SPATA13: variants seen among roughly 807,000 people sequenced by gnomAD.
The protein encoded by SPATA13 is spermatogenesis-associated protein 13.
SPATA13 carries 50 observed loss-of-function variants against 104.0 expected under a neutral mutation model. That is an observed-to-expected ratio of 0.48 (90% CI 0.38 to 0.61). The LOEUF (loss-of-function observed/expected upper bound fraction) is 0.61, where lower values mean the gene tolerates loss of function less well. Among genes scored for constraint, SPATA13 ranks in the 20% least tolerant of loss-of-function variants. SPATA13 has a pLI of 0.00. For synonymous variants in SPATA13, 606 were observed against 667.5 expected, an observed-to-expected ratio of 0.91 and a Z score of 1.42; for missense variants, 1,524 against 1,690.6, an observed-to-expected ratio of 0.90 and a Z score of 1.73.
At chr13:24,301,729 C>G (rs1184556623) in intron 12 of SPATA13, among the ~76,000 whole-genome samples, 1 of 152,212 alleles carries the variant, frequency 6.6e-6, no homozygotes, top group Non-Finnish European at 1.5e-5. Flanking sequence ...GGCCCACCCT[C>G]TTCGTGCCAT....
chr13:24,154,436 G>T (rs1882197867), intron 3 of SPATA13, among the ~76,000 whole-genome samples: 1 of 152,050 alleles, frequency 6.6e-6, no homozygotes, highest in Non-Finnish European at 1.5e-5. Flanking sequence ...TATACATCCT[G>T]CATGACTCCA....
At position 24,176,559 on chromosome 13, in the gene SPATA13, C is replaced by A. The variant is rs182957426; in HGVS notation, c.-112+15627C>A. ...AAACTAGATCCTTTGATTAATGGGACCAGGCAAGTCCAAGGACAGATTAAG... is the reference window on the plus strand; with the variant it reads ...AAACTAGATCCTTTGATTAATGGGAACAGGCAAGTCCAAGGACAGATTAAG... On this transcript the variant is annotated intron_variant, in intron 1 of 12. Transcript: ENST00000382108. Among the ~76,000 whole-genome samples, 13 of 152,088 alleles carry A rather than the reference C, an allele frequency of 8.5e-5. No homozygotes were observed. In the East Asian group the frequency reaches 1.9e-3, roughly 23 times the overall value.
At chr13:24,241,318 G>A (rs1228088556) in intron 2 of SPATA13, among the ~76,000 whole-genome samples, 1 of 152,242 alleles carries the variant, frequency 6.6e-6, no homozygotes, top group African/African-American at 2.4e-5. Flanking sequence ...CCTGAGAAAA[G>A]AAGGGACAAC....
intron 3 of SPATA13, among the ~76,000 whole-genome samples, chr13:24,092,527 A>G (rs988430669): frequency 6.6e-6 from 1 of 152,224 alleles, no homozygotes; most frequent in East Asian, 1.9e-4. Context: ...ATGGAAACCA[A>G]TTAAGAGTAA....
At chr13:24,065,015 A>G (rs988193944) in intron 3 of SPATA13, among the ~76,000 whole-genome samples, 1 of 150,566 alleles carries the variant, frequency 6.6e-6, no homozygotes, top group South Asian at 2.1e-4. Context: ...ATGAAATGCA[A>G]CGTGACATCC....
intron 4 of SPATA13, among the ~76,000 whole-genome samples, chr13:24,283,699 G>A (rs955119197): frequency 1.3e-5 from 2 of 152,240 alleles, no homozygotes; most frequent in African/African-American, 2.4e-5. Flanking sequence ...CTGTTGGGAT[G>A]TACTGGTTTT....
Position 24,249,766 on chromosome 13 carries a change from GCC to G in SPATA13, c.1946_1947del (p.Pro649HisfsTer80). On this transcript the variant is annotated frameshift_variant, in exon 3 of 13. Transcript: ENST00000382108. LOFTEE classifies it high-confidence loss of function. ...TGCCCCAAAGGAGCCCGGAGAAGGC[GCC>G]CCATTTCCGTGATAGGTGGGGTCAG... 6.2e-7 allele frequency: 1 copy of G among 1,614,058 alleles called. No individual in the cohort carries two copies. The highest frequency in any genetic ancestry group is 1.1e-5 in the South Asian group (1 of 91,086).
At chr13:24,110,284 G>A (rs188607842) in intron 3 of SPATA13, among the ~76,000 whole-genome samples, 1 of 151,982 alleles carries the variant, frequency 6.6e-6, no homozygotes, top group East Asian at 1.9e-4. Flanking sequence ...CAAGGAGTGA[G>A]GAAGGGAGGG....
intron 1 of SPATA13, among the ~76,000 whole-genome samples, chr13:24,219,649 A>G (rs539208381): frequency 3.3e-5 from 5 of 152,346 alleles, no homozygotes; most frequent in Non-Finnish European, 7.3e-5. Flanking sequence ...CCATTTTGGT[A>G]AAAACAATTT....
intron 2 of SPATA13, among the ~76,000 whole-genome samples, chr13:24,227,998 G>A (rs1232215694): frequency 1.3e-5 from 2 of 151,946 alleles, no homozygotes; most frequent in Non-Finnish European, 2.9e-5. Context: ...TCTATCTCCC[G>A]GGTTCAAGCG....
At position 24,297,403 on chromosome 13, in the gene SPATA13, C is replaced by T; in HGVS notation, c.3251C>T (p.Ser1084Phe). Residue 1084 changes from serine to phenylalanine, a missense_variant, in exon 11 of 13, where the codon TCT (serine) becomes TTT (phenylalanine). Physicochemically the swap from Ser to Phe is radical, Grantham distance 155. Transcript: ENST00000382108. ...GACCGAAGCTCAGAATTGATTCATT[C>T]TGGGGAGCTGACCAAAATCACTAAG... ...ILDRSSELIH[S>F]GELTKITKQG... 6.2e-7 allele frequency: 1 copy of T among 1,613,786 alleles called. No individual in the cohort carries two copies. The highest frequency in any genetic ancestry group is 8.5e-7 in the Non-Finnish European group (1 of 1,179,892).
intron 3 of SPATA13, among the ~76,000 whole-genome samples, chr13:24,094,304 G>A (rs1326368592): frequency 6.6e-6 from 1 of 152,198 alleles, no homozygotes; most frequent in Non-Finnish European, 1.5e-5. Context: ...GAAAAACCAG[G>A]TTTTGACTGC....
At chr13:24,061,041 AC>A (rs1172706864) in intron 3 of SPATA13, among the ~76,000 whole-genome samples, 4 of 152,054 alleles carry the variant, frequency 2.6e-5, no homozygotes, top group Admixed American at 1.3e-4. Flanking sequence ...TCTGCCCCGC[AC>A]CCCCCAAAAA....
At chr13:24,154,021 A>G (rs1237074165) in intron 3 of SPATA13, among the ~76,000 whole-genome samples, 2 of 152,182 alleles carry the variant, frequency 1.3e-5, no homozygotes, top group Admixed American at 1.3e-4. Flanking sequence ...TATTTTTATG[A>G]TTAGAAAACT....
At chr13:24,297,812 G>A in intron 11 of SPATA13, 77 bp downstream of exon 11, 4 of 1,495,638 alleles carry the variant, frequency 2.7e-6, no homozygotes, top group Non-Finnish European at 2.7e-6. Context: ...CCATGGGCCT[G>A]CTCTGCCCAG....
intron 1 of SPATA13, among the ~76,000 whole-genome samples, chr13:24,207,602 T>C (rs908831567): frequency 2.0e-5 from 3 of 152,258 alleles, no homozygotes; most frequent in Non-Finnish European, 2.9e-5. Flanking sequence ...TTTTCTGTTT[T>C]TTTAAGGTAA....
intron 3 of SPATA13, among the ~76,000 whole-genome samples, chr13:24,020,766 G>A (rs550114767): frequency 3.3e-5 from 5 of 152,224 alleles, no homozygotes; most frequent in East Asian, 1.9e-4. Flanking sequence ...AATTTGGGCC[G>A]GGCGAGATGA....
At chr13:24,146,642 AT>A (rs34098656) in intron 3 of SPATA13, among the ~76,000 whole-genome samples, 109,015 of 151,984 alleles carry the variant, frequency 0.72, 39,710 homozygotes, top group Non-Finnish European at 0.77. Flanking sequence ...ATGCACAGCA[AT>A]TTAAAAAAAA....
intron 3 of SPATA13, among the ~76,000 whole-genome samples, chr13:24,147,662 A>G (rs940268381): frequency 6.6e-6 from 1 of 152,160 alleles, no homozygotes; most frequent in Non-Finnish European, 1.5e-5. Context: ...GTTTAAGTCT[A>G]TTAAGTACAT....
Sources: gnomAD v4.1 joint callset for allele counts (sites outside exome capture counted in the v4.1 genomes callset) on GRCh38, gnomAD v4.1.1 for gene constraint, MANE v1.5 for transcripts, NCBI Gene and HGNC (gene_info 2026-07-23, HGNC 2026-07-21) for gene names.